TENM4: variants seen among roughly 807,000 people sequenced by gnomAD.
TENM4 encodes teneurin-4.
A neutral mutation model predicts 243.3 loss-of-function variants in TENM4; 82 were observed. The observed-to-expected ratio is 0.34, with a 90% CI of 0.28 to 0.40. The LOEUF (loss-of-function observed/expected upper bound fraction) is 0.40. Ranked by LOEUF, TENM4 falls within the 10% of genes least tolerant of loss-of-function variation. The pLI, the probability that TENM4 is intolerant of heterozygous loss-of-function variation, is 1.00. For synonymous variants in TENM4, 1,412 were observed against 1,456.3 expected, an observed-to-expected ratio of 0.97 and a Z score of 0.69; for missense variants, 3,138 against 3,673.3, an observed-to-expected ratio of 0.85 and a Z score of 3.77.
chr11:79,150,660 A>G (rs922112727), intron 3 of TENM4, among the ~76,000 whole-genome samples: 1 of 152,142 alleles, frequency 6.6e-6, no homozygotes, highest in Non-Finnish European at 1.5e-5. Flanking sequence ...TCTCTGGGTC[A>G]TTTGCTAGCA....
intron 4 of TENM4, among the ~76,000 whole-genome samples, chr11:79,125,977 A>G (rs1406758605): frequency 2.0e-5 from 3 of 152,212 alleles, no homozygotes; most frequent in Non-Finnish European, 2.9e-5. Flanking sequence ...GGGAACGGAT[A>G]TTAAGGGTGT....
At chr11:78,702,502 C>T (rs1427991257) in intron 27 of TENM4, 99 bp from the exon 28 acceptor site, 4 of 1,399,340 alleles carry the variant, frequency 2.9e-6, no homozygotes, top group Non-Finnish European at 3.9e-6. Context: ...AAAGTGGCTT[C>T]ATATACAGTC....
At chr11:78,970,322 T>G (rs906072566) in intron 6 of TENM4, among the ~76,000 whole-genome samples, 1 of 152,160 alleles carries the variant, frequency 6.6e-6, no homozygotes, top group African/African-American at 2.4e-5. Context: ...TCCCTAGTTA[T>G]TTGAAATGGA....
rs1857947942 is a variant in TENM4 at position 78,658,349 on chromosome 11, C to T, written c.8019G>A (p.Leu2673=). Reference sequence around the variant, plus strand: ...TTGTCCCGTAGCGTGTGTTCAAGCACAGTGCCCCGTACTGGAGCTGGATGT... The same window carrying T: ...TTGTCCCGTAGCGTGTGTTCAAGCATAGTGCCCCGTACTGGAGCTGGATGT... ...YTDIQLQYGA[L]CLNTRYGTTL... The change falls in exon 34 of 34, where the codon CTG becomes CTA. Residue 2673 remains leucine, a synonymous_variant. Coordinates refer to ENST00000278550, the MANE Select transcript of TENM4 (RefSeq NM_001098816.3). The T allele has an allele frequency of 6.2e-7, 1 of 1,613,720 alleles. No individual in the cohort carries two copies. The highest frequency in any genetic ancestry group is 1.3e-5 in the African/African-American group (1 of 74,934).
At chr11:79,280,064 C>G (rs1856130483) in intron 2 of TENM4, among the ~76,000 whole-genome samples, 1 of 152,190 alleles carries the variant, frequency 6.6e-6, no homozygotes, top group Admixed American at 6.5e-5. Context: ...AAAGCAGAGA[C>G]CAAGCCCTCA....
chr11:78,920,683 C>G (rs1260043578), intron 6 of TENM4, among the ~76,000 whole-genome samples: 1 of 152,110 alleles, frequency 6.6e-6, no homozygotes, highest in Non-Finnish European at 1.5e-5. Flanking sequence ...AGATGTTAGG[C>G]ATCATCCCAG....
At chr11:79,102,529 C>A (rs549854271) in intron 4 of TENM4, among the ~76,000 whole-genome samples, 1 of 152,350 alleles carries the variant, frequency 6.6e-6, no homozygotes, top group African/African-American at 2.4e-5. Flanking sequence ...TGTCCCTGCT[C>A]CCAAAGCTCC....
At chr11:78,785,639 G>T (rs1330035228) in intron 16 of TENM4, among the ~76,000 whole-genome samples, 1 of 152,142 alleles carries the variant, frequency 6.6e-6, no homozygotes, top group East Asian at 1.9e-4. Flanking sequence ...GCAGCTCTCG[G>T]CACGTTGTGA....
chr11:79,243,901 T>G (rs1855469135), intron 2 of TENM4, among the ~76,000 whole-genome samples: 1 of 152,090 alleles, frequency 6.6e-6, no homozygotes, highest in Non-Finnish European at 1.5e-5. Context: ...TTCCTCAAAG[T>G]TAATGTGGAC....
chr11:79,119,637 G>C (rs986848179), intron 4 of TENM4, among the ~76,000 whole-genome samples: 2 of 152,334 alleles, frequency 1.3e-5, no homozygotes, highest in African/African-American at 4.8e-5. Flanking sequence ...GTGTTCCTAA[G>C]TAAGTGTGCG....
intron 28 of TENM4, among the ~76,000 whole-genome samples, chr11:78,696,080 C>CT (rs1187993777): frequency 1.3e-5 from 2 of 151,810 alleles, no homozygotes; most frequent in South Asian, 2.1e-4. Flanking sequence ...ATTTTCCACT[C>CT]TTTTTTTTCC....
intron 6 of TENM4, among the ~76,000 whole-genome samples, chr11:78,942,822 A>G (rs1315223194): frequency 1.3e-5 from 2 of 151,974 alleles, no homozygotes; most frequent in African/African-American, 4.8e-5. Context: ...ACAAAAAAAA[A>G]AAAAAAAAGG....
At chr11:79,181,144 A>G (rs1863274894) in intron 3 of TENM4, among the ~76,000 whole-genome samples, 1 of 152,166 alleles carries the variant, frequency 6.6e-6, no homozygotes, top group East Asian at 1.9e-4. Context: ...ACAAGAAAAG[A>G]AAACTACAGG....
chr11:79,046,304 G>T (rs574287641), intron 6 of TENM4, among the ~76,000 whole-genome samples: 9 of 152,142 alleles, frequency 5.9e-5, no homozygotes, highest in Non-Finnish European at 1.2e-4. Flanking sequence ...AGAACAAAAC[G>T]GTTTCTTCTG....
At chr11:78,824,419 A>G (rs2136129936) in intron 12 of TENM4, among the ~76,000 whole-genome samples, 1 of 152,136 alleles carries the variant, frequency 6.6e-6, no homozygotes, top group Non-Finnish European at 1.5e-5. Context: ...GACAGTACCG[A>G]GGGGGATAGT....
chr11:79,412,383 T>A (rs538485308), intron 1 of TENM4, among the ~76,000 whole-genome samples: 1 of 152,180 alleles, frequency 6.6e-6, no homozygotes, highest in Admixed American at 6.5e-5. Context: ...CGTAAGACAG[T>A]TGGGGTCCAC....
At chr11:78,868,759 C>T (rs1242895148) in intron 9 of TENM4, among the ~76,000 whole-genome samples, 1 of 152,188 alleles carries the variant, frequency 6.6e-6, no homozygotes, top group African/African-American at 2.4e-5. Context: ...AATGCACAAA[C>T]CCACTTGCAT....
intron 6 of TENM4, among the ~76,000 whole-genome samples, chr11:79,029,289 T>C (rs1264216235): frequency 6.6e-6 from 1 of 152,172 alleles, no homozygotes. Context: ...CAAGGCATCT[T>C]CCAGAACTGC....
chr11:79,374,058 G>C (rs1857840726), intron 1 of TENM4, among the ~76,000 whole-genome samples: 1 of 152,126 alleles, frequency 6.6e-6, no homozygotes, highest in African/African-American at 2.4e-5. Context: ...CTTATCCACA[G>C]AGCTCAACAA....
Sources: gnomAD v4.1 joint callset for allele counts (sites outside exome capture counted in the v4.1 genomes callset) on GRCh38, gnomAD v4.1.1 for gene constraint, MANE v1.5 for transcripts, NCBI Gene and HGNC (gene_info 2026-07-23, HGNC 2026-07-21) for gene names.